The following UMPS variants were observed in gnomAD, a reference collection of about 807,000 sequenced individuals.
UMPS encodes the protein uridine monophosphate synthetase.
A neutral mutation model predicts 38.9 loss-of-function variants in UMPS; 21 were observed. The ratio of observed to expected loss-of-function variants is 0.54; its 90% confidence interval spans 0.38 to 0.78. The LOEUF (loss-of-function observed/expected upper bound fraction) is 0.78. UMPS is among the 30% of genes least tolerant of loss of function. UMPS has a pLI of 0.00. For missense variants in UMPS, 533 were observed against 591.6 expected (o/e 0.90, Z 1.03); for synonymous variants, 208 against 219.3 (o/e 0.95, Z 0.45).
In UMPS at chr3:124,747,100, A is replaced by G. The variant is rs1418892401; in HGVS notation, c.*3016A>G. 2.2e-6 allele frequency: 1 copy of G among 453,686 alleles called. No homozygotes were observed. The highest frequency in any genetic ancestry group is 4.4e-6 in the Non-Finnish European group (1 of 226,604). The allele number at this position is 453,686 out of a possible 1,614,324, so 28.1% of individuals were successfully genotyped here. On this transcript the variant is annotated 3_prime_UTR_variant, in exon 6 of 6. Transcript: ENST00000232607. ...TGCAACCTTGACTTGGGCTCAAGCG[A>G]TCCGCTCAAGTAGCTGGAACTACTC...
rs1045245454 is a variant in UMPS, at chr3:124,745,215, G to A, written c.*1131G>A. Reference sequence around the variant, plus strand: ...TCAAGGTGGTGTTTGAGCAGGGGCAGGGTGAGGGCTGTCCCGGTGCTCATT... The same window carrying A: ...TCAAGGTGGTGTTTGAGCAGGGGCAAGGTGAGGGCTGTCCCGGTGCTCATT... On this transcript the variant is annotated 3_prime_UTR_variant, in exon 6 of 6. Transcript: ENST00000232607. The A allele has an allele frequency of 2.2e-6, 1 of 454,124 alleles. No individual in the cohort carries two copies. 28.1% of individuals were successfully genotyped at this position (454,124 alleles called of 1,614,324 possible).
intron 2 of UMPS, among the ~76,000 whole-genome samples, chr3:124,736,617 TA>T (rs199651538): frequency 3.3e-5 from 5 of 151,260 alleles, no homozygotes; most frequent in African/African-American, 4.9e-5. Context: ...CTTTCTGAGC[TA>T]AAAAAAAACT....
chr3:124,732,093 A>AC (rs1319254562), intron 1 of UMPS, among the ~76,000 whole-genome samples: 2 of 151,850 alleles, frequency 1.3e-5, no homozygotes, highest in East Asian at 1.9e-4. Context: ...GCCTGGTGCC[A>AC]CCCCCGGGCT....
intron 4 of UMPS, among the ~76,000 whole-genome samples, chr3:124,740,793 AAAAG>A (rs1215531481): frequency 2.0e-5 from 3 of 152,010 alleles, no homozygotes; most frequent in African/African-American, 7.3e-5. Flanking sequence ...AAAAAAATGA[AAAAG>A]AAAATAACCA....
In UMPS at chr3:124,742,235, C is replaced by T. The variant is rs368882366; in HGVS notation, c.1242C>T (p.His414=). The part of the protein sequence containing the change: ...SRVSMKPEFL[H]LTPGVQLEAG... ...TAAGCATGAAACCAGAATTTCTTCA[C>T]TTGACTCCAGGAGTTCAGTTGGAAG... The change falls in exon 5 of 6, where the codon CAC becomes CAT. Residue 414 remains histidine, a synonymous_variant. Coordinates refer to ENST00000232607, the MANE Select transcript of UMPS (RefSeq NM_000373.4). 4 of 1,613,978 alleles carry T rather than the reference C, an allele frequency of 2.5e-6. No homozygotes were observed. Among genetic ancestry groups the T allele is most frequent in the Non-Finnish European group, 3.4e-6 (4 of 1,179,992 alleles).
At chr3:124,743,374 A>T (rs1311811469) in intron 5 of UMPS, among the ~76,000 whole-genome samples, 1 of 151,640 alleles carries the variant, frequency 6.6e-6, no homozygotes, top group African/African-American at 2.4e-5. Context: ...GCAGTAGCTC[A>T]TGCCTGTAAT....
intron 2 of UMPS, among the ~76,000 whole-genome samples, chr3:124,735,503 T>TA (rs2063511639): frequency 6.6e-6 from 1 of 152,150 alleles, no homozygotes; most frequent in South Asian, 2.1e-4. Context: ...TTTTTTTTTT[T>TA]ACCAGCCCTT....
rs1024468062 is a variant in UMPS at position 124,748,520 on chromosome 3, C to T, written c.*4436C>T. ...GGTTTAGAAGCACATTTGCCTAGCCCTTTCCTTCCCACCAAGGGGGAAAGT... is the reference window on the plus strand; with the variant it reads ...GGTTTAGAAGCACATTTGCCTAGCCTTTTCCTTCCCACCAAGGGGGAAAGT... On this transcript the variant is annotated 3_prime_UTR_variant, in exon 6 of 6. Coordinates refer to ENST00000232607, the MANE Select transcript of UMPS (RefSeq NM_000373.4). The T allele has an allele frequency of 1.1e-5, 5 of 454,096 alleles. No homozygotes were observed. Among genetic ancestry groups the T allele is most frequent in the Admixed American group, 7.0e-5 (3 of 42,570 alleles). 28.1% of individuals were successfully genotyped at this position (454,096 alleles called of 1,614,324 possible).
In UMPS at chr3:124,738,195, G is replaced by T; in HGVS notation, c.938G>T (p.Arg313Leu). The T allele has an allele frequency of 6.2e-7, 1 of 1,614,086 alleles. No homozygotes were observed. The highest frequency in any genetic ancestry group is 8.5e-7 in the Non-Finnish European group (1 of 1,180,020). ...CATGAGTTCTTGATATTTGAAGACCGGAAGTTTGCAGATATAGGAAACACA... is the reference window on the plus strand; with the variant it reads ...CATGAGTTCTTGATATTTGAAGACCTGAAGTTTGCAGATATAGGAAACACA... ...KCHEFLIFED[R>L]KFADIGNTVK... The change falls in exon 3 of 6, where the codon CGG becomes CTG. Residue 313 changes from arginine to leucine, a missense_variant. Physicochemically the swap from Arg to Leu is moderately radical, Grantham distance 102. Coordinates refer to ENST00000232607, the MANE Select transcript of UMPS (RefSeq NM_000373.4).
At chr3:124,743,799 C>A in intron 5 of UMPS, 116 bp from the exon 6 acceptor site, 1 of 1,338,560 alleles carries the variant, frequency 7.5e-7, no homozygotes, top group Non-Finnish European at 1.0e-6. Context: ...AAAAGGGGAA[C>A]GAAAGTAGGG....
At chr3:124,740,722 C>A (rs1269791366) in intron 4 of UMPS, among the ~76,000 whole-genome samples, 1 of 152,090 alleles carries the variant, frequency 6.6e-6, no homozygotes, top group Non-Finnish European at 1.5e-5. Flanking sequence ...CTTTGGGAGG[C>A]CAAGGCGGGA....
chr3:124,748,241 T>C lies in UMPS; in HGVS notation c.*4157T>C, dbSNP rs188492624. 4 of 453,966 alleles carry C rather than the reference T, an allele frequency of 8.8e-6. No homozygotes were observed. The East Asian group carries it at 2.8e-4, about 32-fold the overall frequency. The allele number at this position is 453,966 out of a possible 1,614,324, so 28.1% of individuals were successfully genotyped here. On this transcript the variant is annotated 3_prime_UTR_variant, in exon 6 of 6. Coordinates refer to ENST00000232607, the MANE Select transcript of UMPS (RefSeq NM_000373.4). ...CACTGCTCCCGGCCTGTTGGAGTTC[T>C]TTACATTTATTTTATAATCAATGCT...
At position 124,740,138 on chromosome 3, in the gene UMPS, T is replaced by A; in HGVS notation, c.1097T>A (p.Leu366His). ...EVGLPLHRGC[L>H]LIAEMSSTGS... ...GGCCTGCCTTTGCATCGGGGGTGCCTCCTTATTGCGGAAATGAGCTCCACC... is the reference window on the plus strand; with the variant it reads ...GGCCTGCCTTTGCATCGGGGGTGCCACCTTATTGCGGAAATGAGCTCCACC... The change falls in exon 4 of 6, where the codon CTC becomes CAC. Residue 366 changes from leucine to histidine, a missense_variant. By Grantham distance (99) the Leu-to-His change is moderately conservative. Transcript: ENST00000232607. 6.2e-7 allele frequency: 1 copy of A among 1,613,884 alleles called. No individual in the cohort carries two copies. The highest frequency in any genetic ancestry group is 8.5e-7 in the Non-Finnish European group (1 of 1,180,002).
chr3:124,748,937 G>A lies in UMPS; in HGVS notation c.*4853G>A. On this transcript the variant is annotated 3_prime_UTR_variant, in exon 6 of 6. Transcript: ENST00000232607. ...CAATCGTCAGGTAAGGACAGTCAGT[G>A]GGAAGTGGACGGGCCGCACAACCAA... 2.2e-6 allele frequency: 1 copy of A among 452,332 alleles called. No individual in the cohort carries two copies. The highest frequency in any genetic ancestry group is 4.4e-6 in the Non-Finnish European group (1 of 225,458). The allele number at this position is 452,332 out of a possible 1,614,324, so 28.0% of individuals were successfully genotyped here.
At position 124,730,486 on chromosome 3, in the gene UMPS, T is replaced by C; in HGVS notation, c.15T>C (p.Arg5=). 4 of 1,614,148 alleles carry C rather than the reference T, an allele frequency of 2.5e-6. No homozygotes were observed. The highest frequency in any genetic ancestry group is 3.4e-6 in the Non-Finnish European group (4 of 1,180,000). The change falls in exon 1 of 6, where the codon CGT becomes CGC. Residue 5 remains arginine (R), a synonymous_variant. Coordinates refer to ENST00000232607, the MANE Select transcript of UMPS (RefSeq NM_000373.4). Reference sequence around the variant, plus strand: ...AGCGCGCGACAATGGCGGTCGCTCGTGCAGCTTTGGGGCCATTGGTGACGG... The same window carrying C: ...AGCGCGCGACAATGGCGGTCGCTCGCGCAGCTTTGGGGCCATTGGTGACGG... The part of the protein sequence containing the change: MAVA[R]AALGPLVTGL...
At position 124,735,189 on chromosome 3, in the gene UMPS, A is replaced by G; in HGVS notation, c.253A>G (p.Ile85Val). 6.2e-7 allele frequency: 1 copy of G among 1,614,132 alleles called. No homozygotes were observed. The highest frequency in any genetic ancestry group is 1.7e-5 in the Admixed American group (1 of 60,032). ...TACAGCTTTGCCATTGGCTACAGTT[A>G]TCTGTTCAACCAATCAAATTCCAAT... ...PYTALPLATV[I>V]CSTNQIPMLI... The change falls in exon 2 of 6, where the codon ATC (isoleucine) becomes GTC (valine). Residue 85 changes from isoleucine to valine, a missense_variant. Transcript: ENST00000232607.
intron 1 of UMPS, chr3:124,731,515 C>T (rs2063476849): frequency 2.3e-6 from 1 of 437,152 alleles, no homozygotes; most frequent in Non-Finnish European, 4.6e-6. Context: ...GATGGGATCT[C>T]TCTTACGTCA....
chr3:124,730,751 A>T, intron 1 of UMPS, 124 bp downstream of exon 1: 2 of 1,166,028 alleles, frequency 1.7e-6, no homozygotes, highest in Non-Finnish European at 2.4e-6. Flanking sequence ...GACCGACCCT[A>T]CTCTTGGTTT....
rs1262379011 is a variant in UMPS at position 124,745,079 on chromosome 3, G to C, written c.*995G>C. 8 of 454,004 alleles carry C rather than the reference G, an allele frequency of 1.8e-5. No homozygotes were observed. The highest frequency in any genetic ancestry group is 1.6e-4 in the Admixed American group (7 of 42,564). 28.1% of individuals were successfully genotyped at this position (454,004 alleles called of 1,614,324 possible). A position where few individuals can be genotyped will look rare whatever the true frequency, so the allele number is the denominator to read the frequency against. ...TTCCTGTGACTGACTTCACAATTAG[G>C]AGGTCTAAGATTCCATTTGGGTATT... is the stretch of plus-strand genomic sequence containing the variant. On this transcript the variant is annotated 3_prime_UTR_variant, in exon 6 of 6. Transcript: ENST00000232607.
Sources: gnomAD v4.1 joint callset for allele counts (sites outside exome capture counted in the v4.1 genomes callset) on GRCh38, gnomAD v4.1.1 for gene constraint, MANE v1.5 for transcripts, NCBI Gene and HGNC (gene_info 2026-07-23, HGNC 2026-07-21) for gene names.